Variants in EXOC6 observed in about 807,000 individuals in gnomAD.
EXOC6 encodes the protein SEC15-like 1.
EXOC6 carries 60 observed loss-of-function variants against 112.5 expected under a neutral mutation model. That is an observed-to-expected ratio of 0.53 (90% confidence interval 0.43 to 0.66). The LOEUF is 0.66. EXOC6 is among the 30% of genes least tolerant of loss of function. The pLI, the probability that EXOC6 is intolerant of heterozygous loss-of-function variation, is 0.00. For synonymous variants in EXOC6, 295 were observed against 308.0 expected, an observed-to-expected ratio of 0.96 and a Z score of 0.44; for missense variants, 855 against 957.1, an observed-to-expected ratio of 0.89 and a Z score of 1.41.
chr10:92,998,649 C>CAA (rs1843606835), intron 19 of EXOC6, among the ~76,000 whole-genome samples: 1 of 151,110 alleles, frequency 6.6e-6, no homozygotes, highest in South Asian at 2.1e-4. Context: ...CACACACACA[C>CAA]ACACACACAC....
chr10:92,909,716 T>C lies in EXOC6; in HGVS notation c.663+85T>C, dbSNP rs1258455352. The C allele has an allele frequency of 3.8e-6, 3 of 781,932 alleles. No homozygotes were observed. The East Asian group carries it at 8.4e-5, about 22-fold the overall frequency. 48.4% of individuals were successfully genotyped at this position (781,932 alleles called of 1,614,324 possible). On this transcript the variant is annotated intron_variant, in intron 6 of 21. Coordinates refer to ENST00000260762, the MANE Select transcript of EXOC6 (RefSeq NM_019053.6). The stretch of plus-strand genomic sequence containing the variant: ...CCAAGGTTTACTTCTTTAACTTACA[T>C]AAAATGCTTATTTTTGTTTTACCTT...
intron 1 of EXOC6, among the ~76,000 whole-genome samples, chr10:92,854,671 A>T (rs919069589): frequency 2.6e-5 from 4 of 152,240 alleles, no homozygotes; most frequent in Admixed American, 6.5e-5. Context: ...TATCAGATGT[A>T]AACCAACTTT....
intron 5 of EXOC6, chr10:92,900,594 T>A (rs1360569833): frequency 2.6e-5 from 4 of 151,950 alleles, no homozygotes; most frequent in African/African-American, 9.7e-5. Flanking sequence ...ATATATTCTC[T>A]TTTTAAATCA....
At chr10:92,912,749 G>C (rs7078376) in intron 6 of EXOC6, among the ~76,000 whole-genome samples, 119,145 of 152,134 alleles carry the variant, frequency 0.78, 47,923 homozygotes, top group East Asian at 1. Flanking sequence ...GGACGTGAAG[G>C]TAGACAACCA....
intron 20 of EXOC6, among the ~76,000 whole-genome samples, chr10:93,015,429 T>G (rs1312941406): frequency 2.0e-5 from 3 of 152,178 alleles, no homozygotes; most frequent in African/African-American, 7.2e-5. Flanking sequence ...AAGCAAAACA[T>G]AAACTGGTTA....
chr10:92,850,227 C>CTT, intron 1 of EXOC6, among the ~76,000 whole-genome samples: 1 of 152,172 alleles, frequency 6.6e-6, no homozygotes, highest in South Asian at 2.1e-4. Flanking sequence ...ATGAAATTAA[C>CTT]TTAGAAGAAA....
upstream of EXOC6, among the ~76,000 whole-genome samples, chr10:92,832,940 G>A (rs1248488269): frequency 6.6e-6 from 1 of 152,204 alleles, no homozygotes; most frequent in African/African-American, 2.4e-5. Flanking sequence ...TGGGATTACG[G>A]GTGTGAGCCA....
intron 9 of EXOC6, among the ~76,000 whole-genome samples, chr10:92,932,206 TATATA>T (rs1443185684): frequency 2.0e-5 from 3 of 152,200 alleles, no homozygotes; most frequent in Admixed American, 6.5e-5. Flanking sequence ...AGTAAAGTTA[TATATA>T]ATATGAGTAA....
In EXOC6 at chr10:92,893,352, T is replaced by C. The variant is rs1391548264; in HGVS notation, c.105T>C (p.Ser35=). Residue 35 remains serine (S), a synonymous_variant, in exon 2 of 22, where the codon TCT becomes TCC. Coordinates refer to ENST00000260762, the MANE Select transcript of EXOC6 (RefSeq NM_019053.6). ...DTACVGPTLR[S]VYDDQPNAHK... ...TAGCTTTCTTATATACATTCAGGTC[T>C]GTGTATGATGACCAACCAAATGCGC... 5.6e-6 allele frequency: 9 copies of C among 1,604,584 alleles called. No homozygotes were observed. The highest frequency in any genetic ancestry group is 7.7e-6 in the Non-Finnish European group (9 of 1,175,552).
At chr10:93,005,939 CGCTT>C (rs1843957323) in intron 19 of EXOC6, among the ~76,000 whole-genome samples, 1 of 152,112 alleles carries the variant, frequency 6.6e-6, no homozygotes, top group African/African-American at 2.4e-5. Flanking sequence ...ACTGGAGAAT[CGCTT>C]GAGCCCAGGG....
Position 92,848,576 on chromosome 10 carries a change from G to C in EXOC6, c.43G>C (p.Glu15Gln). The C allele has an allele frequency of 1.4e-6, 2 of 1,452,010 alleles. No individual in the cohort carries two copies. The highest frequency in any genetic ancestry group is 1.8e-6 in the Non-Finnish European group (2 of 1,085,168). 89.9% of individuals were successfully genotyped at this position (1,452,010 alleles called of 1,614,324 possible). The change falls in exon 1 of 22, where the codon GAG (glutamate) becomes CAG (glutamine). Residue 15 changes from glutamate to glutamine, a missense_variant. By Grantham distance (29) the Glu-to-Gln change is conservative. Coordinates refer to ENST00000260762, the MANE Select transcript of EXOC6 (RefSeq NM_019053.6). ...GAGTCTGGGCACCGTCCCCGAGCAC[G>C]AGCGGATCTTGCAGGAGATCGAGAG... ...SESLGTVPEH[E>Q]RILQEIESTD...
At chr10:93,000,082 A>G (rs926781846) in intron 19 of EXOC6, among the ~76,000 whole-genome samples, 1 of 152,164 alleles carries the variant, frequency 6.6e-6, no homozygotes, top group Admixed American at 6.5e-5. Flanking sequence ...TATAACGTTC[A>G]TTACTATCTG....
chr10:92,944,593 A>G (rs186899725), intron 13 of EXOC6, among the ~76,000 whole-genome samples: 38 of 152,146 alleles, frequency 2.5e-4, no homozygotes, highest in Middle Eastern at 3.4e-3. Flanking sequence ...CTGGGATCAT[A>G]TAGTAGTTCT....
chr10:93,045,031 C>A (rs201751286), intron 20 of EXOC6, among the ~76,000 whole-genome samples: 1,699 of 67,644 alleles, frequency 0.025, 10 homozygotes, highest in Non-Finnish European at 0.031. Context: ...CGCCACCACG[C>A]CCGGCTAATT....
intron 18 of EXOC6, among the ~76,000 whole-genome samples, chr10:92,991,385 G>A (rs148354913): frequency 2.1e-5 from 3 of 141,128 alleles, no homozygotes; most frequent in African/African-American, 8.0e-5. Context: ...GCAGTGAGCC[G>A]AAATGGTGCC....
intron 18 of EXOC6, among the ~76,000 whole-genome samples, chr10:92,994,285 A>G (rs1034241127): frequency 6.6e-6 from 1 of 152,210 alleles, no homozygotes; most frequent in Non-Finnish European, 1.5e-5. Flanking sequence ...GGAATTTCCT[A>G]GGAGCCAAAT....
At chr10:93,019,346 AG>A (rs1372268439) in intron 20 of EXOC6, among the ~76,000 whole-genome samples, 50 of 152,276 alleles carry the variant, frequency 3.3e-4, no homozygotes, top group African/African-American at 1.1e-3. Flanking sequence ...TGTTTTCCAG[AG>A]CCAAGAAAAT....
At position 92,962,539 on chromosome 10, in the gene EXOC6, G is replaced by C. The variant is rs141771893; in HGVS notation, c.1773+6825G>C. Among the ~76,000 whole-genome samples, 344 of 152,024 alleles carry C rather than the reference G, an allele frequency of 2.3e-3. 1 individual carries two copies. The highest frequency in any genetic ancestry group is 0.014 in the Middle Eastern group (4 of 294). ...CAAATAGCTAGGACTACAGGCCCAT[G>C]CTACTACCCTGGCTGATTTAAAAAA... On this transcript the variant is annotated intron_variant, in intron 17 of 21. Transcript: ENST00000260762.
intron 5 of EXOC6, chr10:92,901,112 CA>C (rs1314373730): frequency 6.6e-6 from 1 of 152,176 alleles, no homozygotes; most frequent in African/African-American, 2.4e-5. Flanking sequence ...CCTCACATTG[CA>C]TGACATCAGG....
Sources: allele counts gnomAD v4.1 joint callset (sites outside exome capture counted in the v4.1 genomes callset), GRCh38; gene constraint gnomAD v4.1.1; transcripts MANE v1.5; gene names NCBI Gene and HGNC (gene_info 2026-07-23, HGNC 2026-07-21).